The following NUP98 variants were observed in gnomAD, a reference collection of about 807,000 sequenced individuals.
NUP98 encodes the protein nucleoporin 98 and 96 precursor.
Under a neutral mutation model 191.9 loss-of-function variants are expected in NUP98, and 26 were observed. The ratio of observed to expected loss-of-function variants is 0.14; its 90% CI spans 0.10 to 0.19. NUP98 has a LOEUF of 0.19. Among genes scored for constraint, NUP98 ranks in the 10% least tolerant of loss-of-function variants. The pLI is 1.00. For missense variants in NUP98, 1,941 were observed against 2,178.8 expected (o/e 0.89, Z 2.17); for synonymous variants, 808 against 778.4 (o/e 1.04, Z -0.63).
At chr11:3,679,473 T>G in intron 31 of NUP98, 81 bp downstream of exon 31, 1 of 1,477,708 alleles carries the variant, frequency 6.8e-7, no homozygotes, top group Non-Finnish European at 9.4e-7. Context: ...CTCAAGTGTA[T>G]ACTAAGGCCT....
At chr11:3,724,956 T>C in intron 15 of NUP98, 147 bp downstream of exon 15, 1 of 504,082 alleles carries the variant, frequency 2.0e-6, no homozygotes, top group Non-Finnish European at 3.5e-6. Context: ...GACAAAAATA[T>C]GATTTGATTT....
At chr11:3,717,443 C>T (rs561744081) in intron 18 of NUP98, among the ~76,000 whole-genome samples, 3 of 152,170 alleles carry the variant, frequency 2.0e-5, no homozygotes, top group South Asian at 2.1e-4. Flanking sequence ...ATATTTTATT[C>T]TTTTTGATGC....
At chr11:3,698,766 T>A (rs1820438168) in intron 25 of NUP98, among the ~76,000 whole-genome samples, 3 of 149,278 alleles carry the variant, frequency 2.0e-5, no homozygotes, top group East Asian at 2.0e-4. Flanking sequence ...TGGTTCCTAT[T>A]CTATAGGAAT....
intron 10 of NUP98, among the ~76,000 whole-genome samples, chr11:3,757,625 C>G (rs1009584197): frequency 6.6e-6 from 1 of 151,640 alleles, no homozygotes; most frequent in Non-Finnish European, 1.5e-5. Flanking sequence ...ATGGTAAAAC[C>G]CTGTTTCTAC....
intron 16 of NUP98, among the ~76,000 whole-genome samples, chr11:3,721,752 T>C (rs1440665385): frequency 2.7e-5 from 4 of 150,798 alleles, no homozygotes; most frequent in Non-Finnish European, 4.4e-5. Flanking sequence ...TAAATTAAAA[T>C]AGAAAAAAAA....
intron 12 of NUP98, among the ~76,000 whole-genome samples, chr11:3,744,089 T>C (rs1239442389): frequency 6.6e-6 from 1 of 152,184 alleles, no homozygotes; most frequent in East Asian, 1.9e-4. Flanking sequence ...AACACTTCAA[T>C]AGATAAAACT....
In NUP98 at chr11:3,676,553, T is replaced by A. The variant is rs2077818268; in HGVS notation, c.5141A>T (p.Glu1714Val). ...IKVTSLCSRI[E>V]QIQCYSAKDR... is the part of the protein sequence containing the mutation. ...TTTAGCACTGTAACACTGAATCTGC[T>A]CTATCCGACTGCACAGTGAAGTCAC... The change falls in exon 32 of 33, where the codon GAG (glutamate) becomes GTG (valine). Residue 1714 changes from glutamate to valine, a missense_variant. Glu to Val is a moderately radical substitution (Grantham distance 121). Around this residue, in one of 6 missense-constraint regions of NUP98, gnomAD observed 1,030 missense variants for 1,115.8 expected, o/e 0.92. Transcript: ENST00000324932. 6.2e-7 allele frequency: 1 copy of A among 1,614,048 alleles called. No homozygotes were observed. Among genetic ancestry groups the A allele is most frequent in the African/African-American group, 1.3e-5 (1 of 74,916 alleles).
At chr11:3,766,106 T>C (rs974189258) in intron 8 of NUP98, among the ~76,000 whole-genome samples, 6 of 152,016 alleles carry the variant, frequency 3.9e-5, no homozygotes, top group African/African-American at 1.2e-4. Context: ...CAGGTACAGC[T>C]GCTCACACCT....
intron 10 of NUP98, among the ~76,000 whole-genome samples, chr11:3,758,267 G>C (rs867209516): frequency 6.6e-5 from 10 of 151,060 alleles, no homozygotes; most frequent in Admixed American, 2.6e-4. Flanking sequence ...CTTGCAGTGA[G>C]CCCATATCTG....
chr11:3,681,270 G>C (rs555850074), intron 30 of NUP98, among the ~76,000 whole-genome samples: 1 of 152,130 alleles, frequency 6.6e-6, no homozygotes, highest in African/African-American at 2.4e-5. Context: ...CGAACTCCTG[G>C]GGCTCAAGCA....
chr11:3,768,478 G>T, intron 8 of NUP98, 103 bp downstream of exon 8: 4 of 983,438 alleles, frequency 4.1e-6, no homozygotes, highest in South Asian at 3.2e-5. Context: ...CAACTCTTAA[G>T]ATTTGCAGTA....
intron 11 of NUP98, among the ~76,000 whole-genome samples, chr11:3,750,027 C>G (rs1215920223): frequency 1.3e-5 from 2 of 152,142 alleles, no homozygotes; most frequent in East Asian, 3.8e-4. Context: ...AAAAAATGTT[C>G]ACTGAGGGTT....
At chr11:3,784,592 AAAAC>A (rs2082078993) in intron 1 of NUP98, among the ~76,000 whole-genome samples, 3 of 142,678 alleles carry the variant, frequency 2.1e-5, no homozygotes, top group African/African-American at 7.7e-5. Flanking sequence ...AAACAAAAAA[AAAAC>A]AAAAAAAAAC....
intron 24 of NUP98, 147 bp from the exon 25 acceptor site, chr11:3,699,495 T>C (rs544937503): frequency 3.7e-6 from 3 of 818,662 alleles, no homozygotes; most frequent in South Asian, 1.8e-5. Flanking sequence ...AATCTGTCTC[T>C]ACCTCACTCA....
Position 3,753,333 on chromosome 11 carries a change from C to T in NUP98, c.1250G>A (p.Gly417Asp). The change falls in exon 11 of 33, where the codon GGT (glycine) becomes GAT (aspartate). Residue 417 changes from glycine to aspartate, a missense_variant. By Grantham distance (94) the Gly-to-Asp change is moderately conservative. Transcript: ENST00000324932. ...TTTCTTACCTGTTCCAAATCCTGCA[C>T]CAAGCCCAGTTCCAAGAGTCCCAGG... is the stretch of plus-strand genomic sequence containing the variant. ...PAPGTLGTGL[G>D]AGFGTALGAG... 6.2e-7 allele frequency: 1 copy of T among 1,613,984 alleles called. No individual in the cohort carries two copies. Among genetic ancestry groups the T allele is most frequent in the Non-Finnish European group, 8.5e-7 (1 of 1,179,914 alleles).
At chr11:3,784,589 A>AC (rs2082078495) in intron 1 of NUP98, among the ~76,000 whole-genome samples, 1 of 140,644 alleles carries the variant, frequency 7.1e-6, no homozygotes, top group African/African-American at 2.6e-5. Flanking sequence ...TAAAAACAAA[A>AC]AAAAAACAAA....
At position 3,720,752 on chromosome 11, in the gene NUP98, T is replaced by C; in HGVS notation, c.2220A>G (p.Lys740=). 1 of 1,602,650 alleles carries C rather than the reference T, an allele frequency of 6.2e-7. No homozygotes were observed. The highest frequency in any genetic ancestry group is 8.5e-7 in the Non-Finnish European group (1 of 1,170,510). Residue 740 remains lysine (K), a synonymous_variant, in exon 17 of 33, where the codon AAA becomes AAG. Coordinates refer to ENST00000324932, the MANE Select transcript of NUP98 (RefSeq NM_016320.5). ...TGAAATCAGAGACAATGCACTCTCC[T>C]TTTTCATTGGTAATTTTAGCAAGGT... ...MDDLAKITNE[K]GECIVSDFTI...
chr11:3,786,359 A>T (rs2082140959), intron 1 of NUP98, among the ~76,000 whole-genome samples: 1 of 152,232 alleles, frequency 6.6e-6, no homozygotes, highest in Admixed American at 6.5e-5. Context: ...TTTATGGAGT[A>T]AGGATAATTT....
intron 23 of NUP98, among the ~76,000 whole-genome samples, chr11:3,701,947 A>G (rs1441399047): frequency 6.6e-6 from 1 of 151,574 alleles, no homozygotes; most frequent in Admixed American, 6.6e-5. Context: ...TTGGCCTCCC[A>G]AAGTGCTGGG....
Sources: allele counts gnomAD v4.1 joint callset (sites outside exome capture counted in the v4.1 genomes callset), GRCh38; gene constraint gnomAD v4.1.1; regional missense constraint gnomAD v4.1.1; transcripts MANE v1.5; gene names NCBI Gene and HGNC (gene_info 2026-07-23, HGNC 2026-07-21).